The following RADIL variants were observed in gnomAD, a reference collection of about 807,000 sequenced individuals.
RADIL encodes the protein Rap associating with DIL domain, also known as ras-associating and dilute domain-containing protein.
In RADIL, 99 loss-of-function variants were observed where a neutral mutation model predicts 97.6. The observed-to-expected ratio is 1.01, with a 90% CI of 0.86 to 1.20. RADIL has a LOEUF of 1.20. Among genes scored for constraint, RADIL ranks in the 50% most tolerant of loss-of-function variants. The probability of loss-of-function intolerance (pLI) is 0.00; values close to 1 mark genes in which losing one functional copy is unlikely to be tolerated. For missense variants in RADIL, 1,765 were observed against 1,498.9 expected, an observed-to-expected ratio of 1.18 and a Z score of -2.93; for synonymous variants, 803 against 691.8, an observed-to-expected ratio of 1.16 and a Z score of -2.52.
At chr7:4,859,251 T>A (rs999143629) in intron 2 of RADIL, 14 of 152,664 alleles carry the variant, frequency 9.2e-5, no homozygotes, top group Admixed American at 7.2e-4. Context: ...TTCACCAATT[T>A]GAAAAATCTA....
rs1212430692 is a variant in RADIL, at chr7:4,873,094, C to A, written c.535+4511G>T. On this transcript the variant is annotated intron_variant, in intron 2 of 14. Coordinates refer to ENST00000399583, the MANE Select transcript of RADIL (RefSeq NM_018059.5). The surrounding 1 kb of genome is among the most constrained non-coding windows in gnomAD (Gnocchi z 4.3). ...TACAGGTATGCACCATCATGCCCGG[C>A]TACTTCTTTTATATTTTCAGTAGAG... 6.6e-6 allele frequency among the ~76,000 whole-genome samples: 1 copy of A among 152,148 alleles called. No individual in the cohort carries two copies. Among genetic ancestry groups the A allele is most frequent in the Non-Finnish European group, 1.5e-5 (1 of 68,030 alleles).
Position 4,840,321 on chromosome 7 carries a change from G to A in RADIL, c.536-3716C>T, listed in dbSNP as rs1248818028. On this transcript the variant is annotated intron_variant, in intron 2 of 14. Coordinates refer to ENST00000399583, the MANE Select transcript of RADIL (RefSeq NM_018059.5). This position sits in a 1 kb window ranked among gnomAD's most constrained non-coding sequence, Gnocchi z 5.6. The stretch of plus-strand genomic sequence containing the variant: ...TCTCAGCTCTGTGCAGACCCAGGGC[G>A]GATCTGCCTCAACTGGGACAGAAAG... Among the ~76,000 whole-genome samples, 8 of 152,176 alleles carry A rather than the reference G, an allele frequency of 5.3e-5. No individual in the cohort carries two copies. The highest frequency in any genetic ancestry group is 2.1e-4 in the South Asian group (1 of 4,830).
In RADIL at chr7:4,832,034, C is replaced by A. The variant is rs564547551; in HGVS notation, c.1454+107G>T. 1.1e-4 allele frequency: 129 copies of A among 1,190,956 alleles called. 5 individuals are homozygous for A. The South Asian group carries it at 1.2e-3, about 11-fold the overall frequency. The allele number at this position is 1,190,956 out of a possible 1,614,324, so 73.8% of individuals were successfully genotyped here. On this transcript the variant is annotated intron_variant, in intron 5 of 14. Transcript: ENST00000399583. Reference sequence around the variant, plus strand: ...TTGGATGGAAGGACAAAGCCCAGAGCTGACCCCAAGGCGTGGGGAGACCCC... The same window carrying A: ...TTGGATGGAAGGACAAAGCCCAGAGATGACCCCAAGGCGTGGGGAGACCCC...
chr7:4,800,759 C>G (rs73310597), intron 12 of RADIL, among the ~76,000 whole-genome samples: 1 of 152,186 alleles, frequency 6.6e-6, no homozygotes, highest in Non-Finnish European at 1.5e-5. Flanking sequence ...TGAGGGCCAC[C>G]AGCTGGTGCC....
chr7:4,875,273 A>G (rs10251754), intron 2 of RADIL, among the ~76,000 whole-genome samples: 13,273 of 143,032 alleles, frequency 0.093, 1,662 homozygotes, highest in African/African-American at 0.26. Flanking sequence ...GCATGCCGTA[A>G]TCCCAGCTAT....
chr7:4,861,813 T>A, intron 2 of RADIL: 1 of 1,348,314 alleles, frequency 7.4e-7, no homozygotes, highest in Non-Finnish European at 9.5e-7. Flanking sequence ...GGCATCATCT[T>A]TCAGCGCCCG....
intron 4 of RADIL, 21 bp from the exon 5 acceptor site, chr7:4,832,199 A>G: frequency 6.2e-7 from 1 of 1,608,396 alleles, no homozygotes; most frequent in Non-Finnish European, 8.5e-7. Context: ...AAAGCGGGAG[A>G]AAAAGCAAGT....
In RADIL at chr7:4,803,563, G is replaced by A; in HGVS notation, c.2482C>T (p.Gln828Ter). Residue 828 changes from glutamine to a stop codon, truncating the protein, a stop_gained, in exon 11 of 15, where the codon CAG becomes TAG. Coordinates refer to ENST00000399583, the MANE Select transcript of RADIL (RefSeq NM_018059.5). LOFTEE classifies it high-confidence loss of function. The part of the protein sequence containing the change: ...SPGRPGSGAS[Q>*]PVCPEGMHHV... Reference sequence around the variant, plus strand: ...CCGGGTACCTCGGGGCACACTGGCTGGGAGGCCCCACTGCCAGGCCTGCCA... The same window carrying A: ...CCGGGTACCTCGGGGCACACTGGCTAGGAGGCCCCACTGCCAGGCCTGCCA... 1.9e-6 allele frequency: 3 copies of A among 1,543,578 alleles called. No individual in the cohort carries two copies. Among genetic ancestry groups the A allele is most frequent in the Non-Finnish European group, 2.6e-6 (3 of 1,143,722 alleles).
chr7:4,821,748 C>G lies in RADIL; in HGVS notation c.1615+646G>C, dbSNP rs1287653494. 6.6e-6 allele frequency among the ~76,000 whole-genome samples: 1 copy of G among 151,986 alleles called. No individual in the cohort carries two copies. Among genetic ancestry groups the G allele is most frequent in the Admixed American group, 6.6e-5 (1 of 15,260 alleles). ...GCATGCTCCTGTAATCCCAGGTACT[C>G]GGGAGGCTGAGGCACGAGAATCGCT... On this transcript the variant is annotated intron_variant, in intron 6 of 14. Transcript: ENST00000399583. This position sits in a 1 kb window ranked among gnomAD's most constrained non-coding sequence, Gnocchi z 5.2.
Position 4,868,358 on chromosome 7 carries a change from G to A in RADIL, c.535+9247C>T, listed in dbSNP as rs190561218. Among the ~76,000 whole-genome samples the A allele has an allele frequency of 7.9e-5, 12 of 152,308 alleles. No homozygotes were observed. The South Asian group carries it at 1.0e-3, about 13-fold the overall frequency. On this transcript the variant is annotated intron_variant, in intron 2 of 14. Transcript: ENST00000399583. ...ATTACAGGTGTGAGCCACCTTGCCC[G>A]GCCATGAACTGTTGTTTTTTAAATA...
Position 4,819,757 on chromosome 7 carries a change from G to A in RADIL, c.1616-2406C>T, listed in dbSNP as rs570098471. Among the ~76,000 whole-genome samples the A allele has an allele frequency of 9.9e-5, 15 of 152,262 alleles. No individual in the cohort carries two copies. Among genetic ancestry groups the A allele is most frequent in the African/African-American group, 2.9e-4 (12 of 41,556 alleles). ...GAGGCTGACGGGGCTCTGCCCCTCC[G>A]GCCCCTTCTAGGGGCTATTTCCCAC... On this transcript the variant is annotated intron_variant, in intron 6 of 14. Coordinates refer to ENST00000399583, the MANE Select transcript of RADIL (RefSeq NM_018059.5). The surrounding 1 kb of genome is among the most constrained non-coding windows in gnomAD (Gnocchi z 5.8).
chr7:4,804,933 A>C (rs1782244991), intron 10 of RADIL, among the ~76,000 whole-genome samples: 1 of 151,712 alleles, frequency 6.6e-6, no homozygotes, highest in Non-Finnish European at 1.5e-5. Context: ...GTCTCTACTA[A>C]AGATTCAAAA....
At chr7:4,852,636 T>C (rs943738824) in intron 2 of RADIL, among the ~76,000 whole-genome samples, 3 of 152,060 alleles carry the variant, frequency 2.0e-5, no homozygotes, top group Non-Finnish European at 4.4e-5. Context: ...TTTGTAGAGA[T>C]GGGGGTCTTG....
chr7:4,806,321 TTTTTTG>T (rs200851652), intron 9 of RADIL, among the ~76,000 whole-genome samples: 7 of 151,938 alleles, frequency 4.6e-5, no homozygotes, highest in Non-Finnish European at 1.0e-4. Context: ...AGCTCATTAG[TTTTTTG>T]TTTTTGTTTT....
At position 4,837,910 on chromosome 7, in the gene RADIL, C is replaced by G. The variant is rs1188865385; in HGVS notation, c.536-1305G>C. The G allele has an allele frequency of 9.1e-6, 9 of 985,226 alleles. No individual in the cohort carries two copies. Among genetic ancestry groups the G allele is most frequent in the Non-Finnish European group, 1.1e-5 (9 of 829,888 alleles). 61.0% of individuals were successfully genotyped at this position (985,226 alleles called of 1,614,324 possible). A position where few individuals can be genotyped will look rare whatever the true frequency, so the allele number is the denominator to read the frequency against. ...CGCAGCCTTTCAGGTTAAGATCCATCCCCATCTGTGGCGGCCTTTCCTCCA... is the reference window on the plus strand; with the variant it reads ...CGCAGCCTTTCAGGTTAAGATCCATGCCCATCTGTGGCGGCCTTTCCTCCA... On this transcript the variant is annotated intron_variant, in intron 2 of 14. Coordinates refer to ENST00000399583, the MANE Select transcript of RADIL (RefSeq NM_018059.5). This position sits in a 1 kb window ranked among gnomAD's most constrained non-coding sequence, Gnocchi z 5.6.
Position 4,877,480 on chromosome 7 carries a change from G to A in RADIL, c.535+125C>T, listed in dbSNP as rs1038233687. On this transcript the variant is annotated intron_variant, in intron 2 of 14. Transcript: ENST00000399583. ...TTCAAACATCCAGGACACGGGCTCC[G>A]ACTGCCTCCTGCAGAGCGAGCCCGC... The A allele has an allele frequency of 2.8e-5, 30 of 1,059,280 alleles. No individual in the cohort carries two copies. In the Admixed American group the frequency reaches 5.1e-4, roughly 18 times the overall value. The allele number at this position is 1,059,280 out of a possible 1,614,324, so 65.6% of individuals were successfully genotyped here.
rs1427006457 is a variant in RADIL, at chr7:4,834,538, G to A, written c.1416+69C>T. On this transcript the variant is annotated intron_variant, in intron 4 of 14. Coordinates refer to ENST00000399583, the MANE Select transcript of RADIL (RefSeq NM_018059.5). This position sits in a 1 kb window ranked among gnomAD's most constrained non-coding sequence, Gnocchi z 6.0. ...AGAGGCGCTCCCGCCTCCCAGCCGG[G>A]GCCAGCTCCGGGCCCCCTCTTCCCC... 1.9e-5 allele frequency: 24 copies of A among 1,279,100 alleles called. No individual in the cohort carries two copies. The highest frequency in any genetic ancestry group is 2.4e-5 in the Non-Finnish European group (24 of 1,012,684). The allele number at this position is 1,279,100 out of a possible 1,614,324, so 79.2% of individuals were successfully genotyped here.
At chr7:4,825,963 C>A (rs1782965057) in intron 5 of RADIL, among the ~76,000 whole-genome samples, 1 of 150,658 alleles carries the variant, frequency 6.6e-6, no homozygotes, top group Non-Finnish European at 1.5e-5. Context: ...CTCTTTGGGG[C>A]CAGGTGCGGT....
chr7:4,860,901 T>C lies in RADIL; in HGVS notation c.535+16704A>G, dbSNP rs1346106177. 1.9e-6 allele frequency: 3 copies of C among 1,614,250 alleles called. No homozygotes were observed. The Admixed American group carries it at 5.0e-5, about 27-fold the overall frequency. On this transcript the variant is annotated intron_variant, in intron 2 of 14. Transcript: ENST00000399583. ...TGGTACCTATCACTGGGATTTACTC[T>C]TGGGTCCCATACAGGCAAATTAAGA... is the stretch of plus-strand genomic sequence containing the variant.
Sources: allele counts gnomAD v4.1 joint callset (sites outside exome capture counted in the v4.1 genomes callset), GRCh38; gene constraint gnomAD v4.1.1; non-coding constraint Gnocchi (gnomAD v3.1); transcripts MANE v1.5; gene names NCBI Gene and HGNC (gene_info 2026-07-23, HGNC 2026-07-21).